Variants in LRRIQ1 observed in about 807,000 individuals in gnomAD.
LRRIQ1 encodes the protein leucine-rich repeat- and IQ domain-containing protein 1.
In LRRIQ1, 210 loss-of-function variants were observed where a neutral mutation model predicts 211.9. The ratio of observed to expected loss-of-function variants is 0.99; its 90% CI spans 0.89 to 1.11. The LOEUF is 1.11. Among genes scored for constraint, LRRIQ1 ranks in the 50% most tolerant of loss-of-function variants. The probability of loss-of-function intolerance (pLI) is 0.00; values close to 1 mark genes in which losing one functional copy is unlikely to be tolerated. For synonymous variants in LRRIQ1, 699 were observed against 650.1 expected (o/e 1.08, Z -1.14); for missense variants, 2,136 against 1,939.5 (o/e 1.10, Z -1.90).
At position 85,244,692 on chromosome 12, in the gene LRRIQ1, A is replaced by T. The variant is rs372636696; in HGVS notation, c.5017-97A>T. On this transcript the variant is annotated intron_variant, in intron 26 of 26. Coordinates refer to ENST00000393217, the MANE Select transcript of LRRIQ1 (RefSeq NM_001079910.2). ...GTATCATTTTGAAGAAGGTTGTTTG[A>T]CAGAGCCTGTTTGTTTATTTGGGGT... is the stretch of plus-strand genomic sequence containing the variant. 48 of 1,056,246 alleles carry T rather than the reference A, an allele frequency of 4.5e-5. No individual in the cohort carries two copies. In the African/African-American group the frequency reaches 6.1e-4, roughly 13 times the overall value. 65.4% of individuals were successfully genotyped at this position (1,056,246 alleles called of 1,614,324 possible).
At chr12:85,226,505 T>C (rs1894660116) in intron 24 of LRRIQ1, among the ~76,000 whole-genome samples, 2 of 151,956 alleles carry the variant, frequency 1.3e-5, no homozygotes, top group South Asian at 2.1e-4. Flanking sequence ...CTTATAACTT[T>C]TGTATAATTA....
chr12:85,240,718 G>A (rs975835551), intron 26 of LRRIQ1, among the ~76,000 whole-genome samples: 4 of 152,000 alleles, frequency 2.6e-5, no homozygotes, highest in African/African-American at 9.7e-5. Context: ...TATTTCCATC[G>A]ATCTCAAGAA....
chr12:85,086,338 C>G (rs77420744), intron 11 of LRRIQ1, among the ~76,000 whole-genome samples: 320 of 152,030 alleles, frequency 2.1e-3, no homozygotes, highest in Non-Finnish European at 4.0e-3. Flanking sequence ...GGGGGAGGCT[C>G]CCTCATGGCA....
chr12:85,213,088 A>T (rs183743976), intron 24 of LRRIQ1, among the ~76,000 whole-genome samples: 7 of 151,958 alleles, frequency 4.6e-5, no homozygotes, highest in Admixed American at 6.6e-5. Context: ...ATTTTAAAAA[A>T]ATCCAAGAAA....
At chr12:85,057,767 A>G (rs1402958728) in intron 8 of LRRIQ1, among the ~76,000 whole-genome samples, 2 of 152,074 alleles carry the variant, frequency 1.3e-5, no homozygotes, top group Non-Finnish European at 2.9e-5. Context: ...TGGAGAACAT[A>G]GTTTCAACCA....
chr12:85,195,218 A>T (rs1892830222), intron 24 of LRRIQ1, among the ~76,000 whole-genome samples: 2 of 151,948 alleles, frequency 1.3e-5, no homozygotes, highest in Admixed American at 1.3e-4. Context: ...GACCAGATGG[A>T]TTCACAGCCG....
intron 24 of LRRIQ1, among the ~76,000 whole-genome samples, chr12:85,172,444 A>G (rs998562745): frequency 2.0e-5 from 3 of 152,216 alleles, no homozygotes; most frequent in East Asian, 1.9e-4. Context: ...TAAATCTTGC[A>G]TAGACACTCA....
In LRRIQ1 at chr12:85,221,324, A is replaced by G. The variant is rs368776273; in HGVS notation, c.4823-8193A>G. Among the ~76,000 whole-genome samples the G allele has an allele frequency of 7.2e-5, 11 of 152,316 alleles. No individual in the cohort carries two copies. The South Asian group carries it at 2.3e-3, about 32-fold the overall frequency. On this transcript the variant is annotated intron_variant, in intron 24 of 26. Transcript: ENST00000393217. ...ACTGAGACAACATTAATTGACTGTA[A>G]TAATTATTTTATTTCACAAATATTT...
chr12:85,190,416 T>C (rs2136934444), intron 24 of LRRIQ1, among the ~76,000 whole-genome samples: 2 of 147,308 alleles, frequency 1.4e-5, no homozygotes, highest in Non-Finnish European at 3.0e-5. Context: ...ACTATACAGT[T>C]AATATAAATA....
chr12:85,243,530 C>A (rs185819896), intron 26 of LRRIQ1, among the ~76,000 whole-genome samples: 1 of 150,802 alleles, frequency 6.6e-6, no homozygotes, highest in African/African-American at 2.4e-5. Flanking sequence ...CTGAACTCAG[C>A]AAGAGCAATA....
chr12:85,126,275 C>T (rs974936077), intron 17 of LRRIQ1, among the ~76,000 whole-genome samples: 2 of 152,084 alleles, frequency 1.3e-5, no homozygotes, highest in Admixed American at 1.3e-4. Context: ...TTCATGCAAT[C>T]AATGACTTTA....
At chr12:85,064,207 T>TA (rs1461350242) in intron 8 of LRRIQ1, among the ~76,000 whole-genome samples, 1 of 151,766 alleles carries the variant, frequency 6.6e-6, no homozygotes, top group Non-Finnish European at 1.5e-5. Context: ...CTTTTGCACA[T>TA]AAGCCATTTT....
chr12:85,117,062 A>G (rs956624286), intron 15 of LRRIQ1, among the ~76,000 whole-genome samples: 1 of 152,190 alleles, frequency 6.6e-6, no homozygotes, highest in African/African-American at 2.4e-5. Flanking sequence ...TCCCAGGTAC[A>G]ACTGATACAG....
intron 6 of LRRIQ1, among the ~76,000 whole-genome samples, chr12:85,049,256 T>C (rs370489166): frequency 3.0e-4 from 45 of 152,280 alleles, no homozygotes; most frequent in African/African-American, 1.1e-3. Context: ...ATAAATCTCT[T>C]AAGAATTACA....
intron 11 of LRRIQ1, among the ~76,000 whole-genome samples, chr12:85,084,713 G>A (rs530233070): frequency 6.6e-6 from 1 of 151,820 alleles, no homozygotes; most frequent in East Asian, 1.9e-4. Flanking sequence ...ATCACCTGAC[G>A]TCAGGAGTTC....
chr12:85,236,557 A>C lies in LRRIQ1; in HGVS notation c.5016+3801A>C, dbSNP rs550653788. Among the ~76,000 whole-genome samples, 28 of 152,038 alleles carry C rather than the reference A, an allele frequency of 1.8e-4. 1 individual carries two copies. The South Asian group carries it at 5.8e-3, about 32-fold the overall frequency. On this transcript the variant is annotated intron_variant, in intron 26 of 26. Coordinates refer to ENST00000393217, the MANE Select transcript of LRRIQ1 (RefSeq NM_001079910.2). ...CTAATCAAATGGCAAAAATTGGAAA[A>C]CTGGATATTGCAGAAGGATGTCACC...
At chr12:85,204,018 A>T (rs1204143398) in intron 24 of LRRIQ1, among the ~76,000 whole-genome samples, 2 of 152,032 alleles carry the variant, frequency 1.3e-5, no homozygotes, top group Admixed American at 6.6e-5. Context: ...GGAGGAAAAA[A>T]TGGTTTTGTG....
At chr12:85,250,867 TTATATATTATATTATATATAA>T (rs1895899168) in intron 1 of LRRIQ1, among the ~76,000 whole-genome samples, 2 of 99,590 alleles carry the variant, frequency 2.0e-5, no homozygotes, top group South Asian at 5.1e-4. Context: ...ATATTATAGA[TTATATATTATATTATATATAA>T]TATATTTTAT....
chr12:85,046,766 T>C (rs1282639399), intron 5 of LRRIQ1, among the ~76,000 whole-genome samples: 2 of 152,056 alleles, frequency 1.3e-5, no homozygotes, highest in African/African-American at 4.8e-5. Context: ...TGTCCATCAA[T>C]GATAGACTGG....
Sources: allele counts gnomAD v4.1 joint callset (sites outside exome capture counted in the v4.1 genomes callset), GRCh38; gene constraint gnomAD v4.1.1; transcripts MANE v1.5; gene names NCBI Gene and HGNC (gene_info 2026-07-23, HGNC 2026-07-21).